UTRN: variants seen among roughly 807,000 people sequenced by gnomAD.
UTRN encodes utrophin.
UTRN carries 283 observed loss-of-function variants against 463.9 expected under a neutral mutation model. The observed-to-expected ratio is 0.61, with a 90% confidence interval of 0.55 to 0.67. UTRN has a LOEUF of 0.67. Among genes scored for constraint, UTRN ranks in the 30% least tolerant of loss-of-function variants. UTRN has a pLI of 0.00. For synonymous variants in UTRN, 1,442 were observed against 1,431.5 expected, an observed-to-expected ratio of 1.01 and a Z score of -0.17; for missense variants, 3,922 against 4,084.3, an observed-to-expected ratio of 0.96 and a Z score of 1.08.
chr6:144,714,933 G>A (rs1786222006), intron 53 of UTRN, among the ~76,000 whole-genome samples: 1 of 152,054 alleles, frequency 6.6e-6, no homozygotes, highest in South Asian at 2.1e-4. Context: ...TACGTCACTG[G>A]TAGCTCTTTC....
chr6:144,535,462 A>G (rs1797447184), intron 43 of UTRN, among the ~76,000 whole-genome samples: 1 of 152,218 alleles, frequency 6.6e-6, no homozygotes, highest in Non-Finnish European at 1.5e-5. Flanking sequence ...CTAAAGGTAG[A>G]TATCTGTGGA....
intron 65 of UTRN, among the ~76,000 whole-genome samples, chr6:144,816,645 A>T (rs1424238127): frequency 9.2e-6 from 1 of 108,994 alleles, no homozygotes; most frequent in Non-Finnish European, 1.7e-5. Flanking sequence ...TTCTAGTTGT[A>T]CTTATACCAA....
intron 2 of UTRN, chr6:144,331,121 G>C (rs1776303554): frequency 1.3e-6 from 1 of 746,642 alleles, no homozygotes; most frequent in Admixed American, 6.3e-5. Context: ...GAAAATTACT[G>C]AGTTAACAGA....
intron 61 of UTRN, among the ~76,000 whole-genome samples, chr6:144,786,964 T>G (rs1303978317): frequency 2.0e-5 from 3 of 152,180 alleles, no homozygotes; most frequent in Non-Finnish European, 4.4e-5. Context: ...CAGTAAGCCT[T>G]TGTAACTGGT....
chr6:144,422,390 G>A lies in UTRN; in HGVS notation c.234+420G>A, dbSNP rs1006673316. On this transcript the variant is annotated intron_variant, in intron 4 of 74. Coordinates refer to ENST00000367545, the MANE Select transcript of UTRN (RefSeq NM_007124.3). ...CTAGCACTTTGGGAAGCCAAGGTGG[G>A]CGGATTGCCTGAGCTCAGCAGTTCG... Among the ~76,000 whole-genome samples the A allele has an allele frequency of 7.2e-5, 11 of 152,348 alleles. No individual in the cohort carries two copies. In the East Asian group the frequency reaches 2.1e-3, roughly 29 times the overall value.
chr6:144,691,535 T>C (rs1225414177), intron 52 of UTRN, among the ~76,000 whole-genome samples: 2 of 152,192 alleles, frequency 1.3e-5, no homozygotes, highest in African/African-American at 2.4e-5. Flanking sequence ...TAATCTTCAG[T>C]TACTTAAACC....
Position 144,345,442 on chromosome 6 carries a change from C to T in UTRN, c.79+53535C>T, listed in dbSNP as rs149874693. On this transcript the variant is annotated intron_variant, in intron 2 of 74. Coordinates refer to ENST00000367545, the MANE Select transcript of UTRN (RefSeq NM_007124.3). Reference sequence around the variant, plus strand: ...GTAATCCAAGCACTTTGGGAGGCTGCGGCATGAGGATCACTTGAGGCCTGG... The same window carrying T: ...GTAATCCAAGCACTTTGGGAGGCTGTGGCATGAGGATCACTTGAGGCCTGG... Among the ~76,000 whole-genome samples the T allele has an allele frequency of 9.6e-3, 1,467 of 152,082 alleles. 22 individuals are homozygous for T. The highest frequency in any genetic ancestry group is 0.034 in the African/African-American group (1,396 of 41,476).
chr6:144,588,139 T>A (rs1802652349), intron 51 of UTRN, among the ~76,000 whole-genome samples: 1 of 152,070 alleles, frequency 6.6e-6, no homozygotes, highest in Admixed American at 6.6e-5. Flanking sequence ...CAGACAAAAG[T>A]GAGACGGGAT....
At chr6:144,639,990 A>C (rs1036016680) in intron 51 of UTRN, among the ~76,000 whole-genome samples, 3 of 152,146 alleles carry the variant, frequency 2.0e-5, no homozygotes, top group Non-Finnish European at 4.4e-5. Context: ...GCCAGAGATG[A>C]TGCAGACAAC....
intron 2 of UTRN, among the ~76,000 whole-genome samples, chr6:144,381,176 C>A (rs1433381552): frequency 6.6e-6 from 1 of 152,124 alleles, no homozygotes; most frequent in African/African-American, 2.4e-5. Context: ...CTCCCCCCAA[C>A]CTCCACCCTC....
At chr6:144,545,263 C>T (rs922725315) in intron 46 of UTRN, among the ~76,000 whole-genome samples, 4 of 152,206 alleles carry the variant, frequency 2.6e-5, no homozygotes, top group Non-Finnish European at 4.4e-5. Flanking sequence ...CAGTACTTCT[C>T]CATGACCTAT....
intron 7 of UTRN, among the ~76,000 whole-genome samples, chr6:144,427,985 G>T (rs1375898473): frequency 6.6e-6 from 1 of 152,160 alleles, no homozygotes; most frequent in Non-Finnish European, 1.5e-5. Flanking sequence ...ATCGGAGAGG[G>T]CAGTGGCTGC....
At chr6:144,308,861 C>T (rs920831098) in intron 2 of UTRN, among the ~76,000 whole-genome samples, 19 of 152,180 alleles carry the variant, frequency 1.2e-4, no homozygotes, top group Middle Eastern at 3.2e-3. Context: ...GTAGCTACCA[C>T]GCCATTCCTC....
intron 69 of UTRN, 69 bp downstream of exon 69, chr6:144,828,924 C>T (rs1000809078): frequency 2.0e-6 from 3 of 1,528,748 alleles, no homozygotes; most frequent in Non-Finnish European, 2.7e-6. Context: ...CAGAAACAAT[C>T]TTCACTGATG....
Position 144,558,596 on chromosome 6 carries a change from C to T in UTRN, c.7289+1285C>T, listed in dbSNP as rs902453581. On this transcript the variant is annotated intron_variant, in intron 50 of 74. Coordinates refer to ENST00000367545, the MANE Select transcript of UTRN (RefSeq NM_007124.3). The stretch of plus-strand genomic sequence containing the variant: ...TGTATACATATGTAACAAACCTGCA[C>T]GTTGTGCACATGTACCCTAAAACTT... 6.6e-5 allele frequency among the ~76,000 whole-genome samples: 10 copies of T among 151,972 alleles called. No homozygotes were observed. In the South Asian group the frequency reaches 1.0e-3, roughly 16 times the overall value.
At chr6:144,773,311 T>A (rs1249391922) in intron 59 of UTRN, among the ~76,000 whole-genome samples, 1 of 152,092 alleles carries the variant, frequency 6.6e-6, no homozygotes, top group Non-Finnish European at 1.5e-5. Flanking sequence ...GAAAATGAAG[T>A]GTCCTTGGGG....
In UTRN at chr6:144,576,364, GGT is replaced by G. The variant is rs1242061575; in HGVS notation, c.7290-728_7290-727del. On this transcript the variant is annotated intron_variant, in intron 50 of 74. Coordinates refer to ENST00000367545, the MANE Select transcript of UTRN (RefSeq NM_007124.3). ...TAAAGTTTTAAATGTTGAATTTACA[GGT>G]GTGTGTATCTCTTAACTCATATAAC... is the stretch of plus-strand genomic sequence containing the variant. Among the ~76,000 whole-genome samples the G allele has an allele frequency of 7.9e-5, 12 of 152,168 alleles. No homozygotes were observed. The East Asian group carries it at 2.3e-3, about 29-fold the overall frequency.
chr6:144,473,829 G>A lies in UTRN; in HGVS notation c.3176G>A (p.Cys1059Tyr). The A allele has an allele frequency of 1.9e-6, 3 of 1,610,242 alleles. No individual in the cohort carries two copies. The highest frequency in any genetic ancestry group is 1.1e-5 in the South Asian group (1 of 90,698). ...GGTCTACAGAGGCAGTTAGACCAGT[G>A]CTCTGTGAGTTCTGCTGATCTGGGG... ...DAGLQRQLDQCSAFVNEIETI... is the reference protein window; with the variant it reads ...DAGLQRQLDQYSAFVNEIETI... The change falls in exon 24 of 75, where the codon TGC (cysteine) becomes TAC (tyrosine). Residue 1059 changes from cysteine (C) to tyrosine (Y), a missense_variant. Cys to Tyr is a radical substitution (Grantham distance 194). This residue lies in a region of UTRN where 2,349 missense variants were observed against 2,303.8 expected (regional missense o/e 1.02). Coordinates refer to ENST00000367545, the MANE Select transcript of UTRN (RefSeq NM_007124.3).
chr6:144,597,614 A>G (rs1041297793), intron 51 of UTRN, among the ~76,000 whole-genome samples: 116 of 152,300 alleles, frequency 7.6e-4, no homozygotes, highest in African/African-American at 2.6e-3. Flanking sequence ...TTGACATAAT[A>G]TCTTTTTGTC....
Sources: gnomAD v4.1 joint callset for allele counts (sites outside exome capture counted in the v4.1 genomes callset) on GRCh38, gnomAD v4.1.1 for gene constraint, gnomAD v4.1.1 regional missense constraint, MANE v1.5 for transcripts, NCBI Gene and HGNC (gene_info 2026-07-23, HGNC 2026-07-21) for gene names.